The following DPYD variants were observed in gnomAD, a reference collection of about 807,000 sequenced individuals.
DPYD encodes the protein dihydropyrimidine dehydrogenase [NADP(+)].
In DPYD, 109 loss-of-function variants were observed where a neutral mutation model predicts 116.2. The observed-to-expected ratio is 0.94, with a 90% CI of 0.80 to 1.10. The LOEUF (loss-of-function observed/expected upper bound fraction) is 1.10, where lower values mean the gene tolerates loss of function less well. DPYD is among the 50% of genes least tolerant of loss of function. The pLI is 0.00. For missense variants in DPYD, 1,302 were observed against 1,254.5 expected (o/e 1.04, Z -0.57); for synonymous variants, 440 against 432.0 (o/e 1.02, Z -0.23).
chr1:97,879,296 T>C (rs1672070781), intron 2 of DPYD, among the ~76,000 whole-genome samples: 1 of 151,980 alleles, frequency 6.6e-6, no homozygotes, highest in Non-Finnish European at 1.5e-5. Context: ...GTGAGCACCT[T>C]GTATGTGTCA....
intron 13 of DPYD, among the ~76,000 whole-genome samples, chr1:97,465,573 T>C (rs1677272495): frequency 6.6e-6 from 1 of 152,134 alleles, no homozygotes; most frequent in South Asian, 2.1e-4. Context: ...CTGATGGTTT[T>C]ATAAAAGGAG....
chr1:97,847,931 G>A (rs908780442), intron 2 of DPYD, among the ~76,000 whole-genome samples: 3 of 152,030 alleles, frequency 2.0e-5, no homozygotes, highest in Non-Finnish European at 2.9e-5. Context: ...AAAATAAAAG[G>A]ATGGGCTATG....
intron 16 of DPYD, among the ~76,000 whole-genome samples, chr1:97,327,221 C>T (rs777333359): frequency 2.0e-5 from 3 of 151,974 alleles, no homozygotes; most frequent in Non-Finnish European, 4.4e-5. Context: ...ATCATTCCAG[C>T]TTTCTTATTT....
At chr1:97,698,623 T>G (rs1440352504) in intron 6 of DPYD, among the ~76,000 whole-genome samples, 1 of 152,014 alleles carries the variant, frequency 6.6e-6, no homozygotes, top group Non-Finnish European at 1.5e-5. Context: ...ATTTTTTTGA[T>G]AATATACATA....
At chr1:97,510,215 T>A (rs1647677978) in intron 13 of DPYD, among the ~76,000 whole-genome samples, 1 of 151,720 alleles carries the variant, frequency 6.6e-6, no homozygotes, top group Non-Finnish European at 1.5e-5. Flanking sequence ...TATTAGGACA[T>A]CCTTACCAAG....
At chr1:97,398,283 T>G (rs1052785206) in intron 14 of DPYD, among the ~76,000 whole-genome samples, 1 of 152,190 alleles carries the variant, frequency 6.6e-6, no homozygotes, top group Non-Finnish European at 1.5e-5. Context: ...AACTCATTAT[T>G]TTTTATGGCT....
At chr1:97,417,203 C>T (rs1172359096) in intron 14 of DPYD, among the ~76,000 whole-genome samples, 1 of 152,112 alleles carries the variant, frequency 6.6e-6, no homozygotes, top group African/African-American at 2.4e-5. Context: ...ACCTCTGTGA[C>T]CCTCAGTCTC....
intron 18 of DPYD, among the ~76,000 whole-genome samples, chr1:97,261,338 T>A (rs1009087896): frequency 1.3e-5 from 2 of 152,042 alleles, no homozygotes; most frequent in African/African-American, 4.8e-5. Context: ...GACAGCTACT[T>A]TATTGTAAAT....
intron 18 of DPYD, among the ~76,000 whole-genome samples, chr1:97,247,939 G>A (rs1237727145): frequency 6.6e-5 from 10 of 152,136 alleles, no homozygotes; most frequent in African/African-American, 2.2e-4. Context: ...ACTAAAGGAA[G>A]GAATAATACC....
intron 16 of DPYD, among the ~76,000 whole-genome samples, chr1:97,315,575 T>C (rs1667782446): frequency 6.6e-6 from 1 of 151,990 alleles, no homozygotes; most frequent in South Asian, 2.1e-4. Context: ...AGTTCTCTAC[T>C]TGTATGAAGA....
At chr1:97,841,150 A>C (rs1247938957) in intron 2 of DPYD, among the ~76,000 whole-genome samples, 1 of 152,134 alleles carries the variant, frequency 6.6e-6, no homozygotes, top group African/African-American at 2.4e-5. Flanking sequence ...ACATGACCAA[A>C]ATGCTGCAAT....
At chr1:97,232,190 A>G (rs1321745267) in intron 19 of DPYD, among the ~76,000 whole-genome samples, 1 of 152,170 alleles carries the variant, frequency 6.6e-6, no homozygotes, top group Non-Finnish European at 1.5e-5. Context: ...TTTTGAGCTG[A>G]CAGTTCTTGT....
chr1:97,833,881 G>A (rs969455743), intron 2 of DPYD, among the ~76,000 whole-genome samples: 5 of 151,996 alleles, frequency 3.3e-5, no homozygotes, highest in Admixed American at 1.3e-4. Flanking sequence ...TTGGTCATAA[G>A]ACTCCTATGA....
chr1:97,615,691 C>T (rs1336361497), intron 8 of DPYD, among the ~76,000 whole-genome samples: 1 of 152,058 alleles, frequency 6.6e-6, no homozygotes, highest in Non-Finnish European at 1.5e-5. Flanking sequence ...GGTATCATTC[C>T]CCATCATGCT....
In DPYD at chr1:97,672,987, T is replaced by C. The variant is rs981111400; in HGVS notation, c.850+6108A>G. 9.9e-5 allele frequency among the ~76,000 whole-genome samples: 15 copies of C among 152,188 alleles called. 1 individual carries two copies. Among genetic ancestry groups the C allele is most frequent in the Non-Finnish European group, 1.6e-4 (11 of 68,008 alleles). On this transcript the variant is annotated intron_variant, in intron 8 of 22. Transcript: ENST00000370192. ...GAAAAATGAGGCTAAATATAAAGAC[T>C]AATTCTTCTTGAGTATCAGCTTACC...
At chr1:97,730,088 G>A (rs557880137) in intron 4 of DPYD, among the ~76,000 whole-genome samples, 8 of 151,942 alleles carry the variant, frequency 5.3e-5, no homozygotes, top group East Asian at 1.9e-4. Context: ...ATATATTTGC[G>A]GTAGTCTTAT....
intron 16 of DPYD, among the ~76,000 whole-genome samples, chr1:97,344,983 C>A (rs1669771744): frequency 6.6e-6 from 1 of 152,016 alleles, no homozygotes; most frequent in South Asian, 2.1e-4. Flanking sequence ...CTCTCTATAG[C>A]ACTAATGGTA....
At chr1:97,161,932 T>C (rs941541245) in intron 20 of DPYD, among the ~76,000 whole-genome samples, 2 of 152,034 alleles carry the variant, frequency 1.3e-5, no homozygotes, top group African/African-American at 4.8e-5. Flanking sequence ...TAGTATTCCA[T>C]GGTGTATATG....
intron 20 of DPYD, among the ~76,000 whole-genome samples, chr1:97,164,710 G>T (rs1054954282): frequency 3.9e-5 from 6 of 152,046 alleles, no homozygotes; most frequent in African/African-American, 1.4e-4. Flanking sequence ...CCTAGGAATA[G>T]CTAACCATGG....
Sources: allele counts gnomAD v4.1 joint callset (sites outside exome capture counted in the v4.1 genomes callset), GRCh38; gene constraint gnomAD v4.1.1; transcripts MANE v1.5; gene names NCBI Gene and HGNC (gene_info 2026-07-23, HGNC 2026-07-21).